Variants in NOX4 observed in about 807,000 individuals in gnomAD.
The protein encoded by NOX4 is kidney oxidase-1.
Under a neutral mutation model 87.6 loss-of-function variants are expected in NOX4, and 69 were observed. The observed-to-expected ratio is 0.79, with a 90% CI of 0.65 to 0.96. NOX4 has a LOEUF of 0.96. NOX4 is among the 40% of genes least tolerant of loss of function. The pLI, the probability that NOX4 is intolerant of heterozygous loss-of-function variation, is 0.00. For synonymous variants in NOX4, 275 were observed against 238.2 expected, an observed-to-expected ratio of 1.15 and a Z score of -1.42; for missense variants, 680 against 681.5, an observed-to-expected ratio of 1.00 and a Z score of 0.02.
chr11:89,430,661 T>C (rs1480330271), intron 7 of NOX4, among the ~76,000 whole-genome samples: 12 of 152,172 alleles, frequency 7.9e-5, no homozygotes, highest in Admixed American at 2.0e-4. Context: ...TGTGAAGGAC[T>C]TCTTCAAGGA....
chr11:89,355,733 T>C (rs1937997803), intron 12 of NOX4, among the ~76,000 whole-genome samples: 1 of 152,188 alleles, frequency 6.6e-6, no homozygotes, highest in African/African-American at 2.4e-5. Flanking sequence ...CAATAGCTAT[T>C]GAAGACAATT....
intron 11 of NOX4, among the ~76,000 whole-genome samples, chr11:89,381,316 G>T (rs178435): frequency 0.02 from 3,032 of 152,130 alleles, 103 homozygotes; most frequent in African/African-American, 0.07. Flanking sequence ...TCAGGCCTCC[G>T]AGCCCAAGCC....
intron 8 of NOX4, among the ~76,000 whole-genome samples, chr11:89,405,438 T>C (rs1159746036): frequency 6.6e-6 from 1 of 152,100 alleles, no homozygotes; most frequent in Non-Finnish European, 1.5e-5. Context: ...TACTTTGTCT[T>C]CTTTTTTTAC....
chr11:89,365,603 A>C (rs1294962353), intron 12 of NOX4, among the ~76,000 whole-genome samples: 1 of 151,814 alleles, frequency 6.6e-6, no homozygotes, highest in Non-Finnish European at 1.5e-5. Context: ...TTTTTTAACA[A>C]TGTTGGCTTT....
At chr11:89,491,845 C>T (rs1029564762), upstream of NOX4, among the ~76,000 whole-genome samples, 2 of 151,746 alleles carry the variant, frequency 1.3e-5, no homozygotes, top group Admixed American at 6.6e-5. Context: ...GAAATTTGAG[C>T]CGGAAACAGC....
chr11:89,351,955 A>C (rs1946474261), intron 13 of NOX4, among the ~76,000 whole-genome samples: 1 of 152,194 alleles, frequency 6.6e-6, no homozygotes, highest in South Asian at 2.1e-4. Context: ...TGACTTTTGC[A>C]GCAATATGGA....
At chr11:89,337,587 A>G in intron 15 of NOX4, 72 bp from the exon 16 acceptor site, 1 of 1,588,290 alleles carries the variant, frequency 6.3e-7, no homozygotes, top group Non-Finnish European at 8.6e-7. Flanking sequence ...CTATTCTAAC[A>G]TACTTGATTC....
intron 11 of NOX4, among the ~76,000 whole-genome samples, chr11:89,387,292 CTGA>C (rs1940781110): frequency 6.6e-6 from 1 of 152,100 alleles, no homozygotes; most frequent in African/African-American, 2.4e-5. Context: ...CCTGCTTTAA[CTGA>C]TGATATTACC....
chr11:89,535,631 C>T, the NOX4 span, among the ~76,000 whole-genome samples: 5 of 152,152 alleles, frequency 3.3e-5, no homozygotes, highest in South Asian at 1.0e-3. Context: ...TCTCTGTCTT[C>T]CTCTGTGTCT....
chr11:89,585,006 A>C, the NOX4 span, among the ~76,000 whole-genome samples: 4 of 152,262 alleles, frequency 2.6e-5, no homozygotes, highest in Admixed American at 2.6e-4. Context: ...CTATTTATGC[A>C]GTAATGTCCC....
At chr11:89,431,760 A>C (rs934608968) in intron 7 of NOX4, among the ~76,000 whole-genome samples, 17 of 152,214 alleles carry the variant, frequency 1.1e-4, no homozygotes, top group African/African-American at 3.9e-4. Flanking sequence ...GTGGGACTGT[A>C]AACTAATTCA....
At chr11:89,497,117 T>G (rs140767070), upstream of NOX4, among the ~76,000 whole-genome samples, 1 of 152,282 alleles carries the variant, frequency 6.6e-6, no homozygotes, top group East Asian at 1.9e-4. Flanking sequence ...TCCCCAGTCA[T>G]CCCAGGTGTG....
chr11:89,414,423 A>C (rs1942651263), intron 8 of NOX4, among the ~76,000 whole-genome samples: 1 of 151,874 alleles, frequency 6.6e-6, no homozygotes, highest in Admixed American at 6.6e-5. Flanking sequence ...TATATGATGA[A>C]TAATATATTT....
chr11:89,490,421 C>A, intron 2 of NOX4, 37 bp downstream of exon 2: 2 of 1,401,976 alleles, frequency 1.4e-6, no homozygotes, highest in Non-Finnish European at 2.0e-6. Context: ...CAGTGTTAAA[C>A]CCATTCCACC....
intron 8 of NOX4, among the ~76,000 whole-genome samples, chr11:89,416,380 C>G (rs1192214360): frequency 6.6e-6 from 1 of 152,192 alleles, no homozygotes; most frequent in Non-Finnish European, 1.5e-5. Context: ...GATGACCAAG[C>G]TTTTCCCTCT....
chr11:89,485,175 A>AT (rs1209862411), intron 2 of NOX4, among the ~76,000 whole-genome samples: 13 of 152,272 alleles, frequency 8.5e-5, no homozygotes, highest in African/African-American at 2.9e-4. Flanking sequence ...TGATTGACTA[A>AT]AGAAAGATAA....
intron 2 of NOX4, among the ~76,000 whole-genome samples, chr11:89,466,085 G>A (rs1011882961): frequency 2.0e-5 from 3 of 152,106 alleles, no homozygotes; most frequent in African/African-American, 7.2e-5. Flanking sequence ...ACAAGGAAGA[G>A]GGCCCTCATC....
At chr11:89,563,807 T>C in the NOX4 span, among the ~76,000 whole-genome samples, 1 of 152,216 alleles carries the variant, frequency 6.6e-6, no homozygotes, top group Non-Finnish European at 1.5e-5. Flanking sequence ...TTACTTTTTT[T>C]AGTAATAAGC....
chr11:89,391,010 A>G (rs915675292), intron 11 of NOX4, among the ~76,000 whole-genome samples: 1 of 152,036 alleles, frequency 6.6e-6, no homozygotes, highest in African/African-American at 2.4e-5. Context: ...CTATAAAGAG[A>G]TGGGGGAAGG....
Sources: allele counts gnomAD v4.1 joint callset (sites outside exome capture counted in the v4.1 genomes callset), GRCh38; gene constraint gnomAD v4.1.1; transcripts MANE v1.5; gene names NCBI Gene and HGNC (gene_info 2026-07-23, HGNC 2026-07-21).